MMP21: variants seen among roughly 807,000 people sequenced by gnomAD.
MMP21 encodes matrix metallopeptidase 21, also known as matrix metalloproteinase-21.
Under a neutral mutation model 47.8 loss-of-function variants are expected in MMP21, and 40 were observed. That is an observed-to-expected ratio of 0.84 (90% CI 0.65 to 1.09). The LOEUF is 1.09. Among genes scored for constraint, MMP21 ranks in the 50% least tolerant of loss-of-function variants. The probability of loss-of-function intolerance (pLI) is 0.00; values close to 1 mark genes in which losing one functional copy is unlikely to be tolerated. For synonymous variants in MMP21, 341 were observed against 318.0 expected (o/e 1.07, Z -0.77); for missense variants, 747 against 775.3 (o/e 0.96, Z 0.43).
intron 1 of MMP21, among the ~76,000 whole-genome samples, chr10:125,775,018 C>G (rs1337422178): frequency 1.3e-5 from 2 of 152,196 alleles, no homozygotes; most frequent in Admixed American, 6.5e-5. Flanking sequence ...GCTCCCTGCC[C>G]TGGCCTCTGG....
At chr10:125,769,305 AGCAAAACACTGACCT>A (rs1345186640) in intron 5 of MMP21, among the ~76,000 whole-genome samples, 1 of 152,164 alleles carries the variant, frequency 6.6e-6, no homozygotes, top group Non-Finnish European at 1.5e-5. Flanking sequence ...TCTGTCTTCC[AGCAAAACACTGACCT>A]TCCATGTTGA....
At position 125,773,768 on chromosome 10, in the gene MMP21, G is replaced by T. The variant is rs1189780605; in HGVS notation, c.697+63C>A. 6.9e-6 allele frequency: 10 copies of T among 1,440,618 alleles called. No homozygotes were observed. Among genetic ancestry groups the T allele is most frequent in the Admixed American group, 2.6e-5 (1 of 39,048 alleles). The allele number at this position is 1,440,618 out of a possible 1,614,324, so 89.2% of individuals were successfully genotyped here. The stretch of plus-strand genomic sequence containing the variant: ...CATTCTGCAGGTGGCCGAGGTGGGG[G>T]TAGGTGCGCCGGGGTCCCCGAGGGG... On this transcript the variant is annotated intron_variant, in intron 2 of 6. Transcript: ENST00000368808. This position sits in a 1 kb window ranked among gnomAD's most constrained non-coding sequence, Gnocchi z 4.8.
At position 125,767,409 on chromosome 10, in the gene MMP21, G is replaced by A. The variant is rs113390389; in HGVS notation, c.1410+123C>T. The A allele has an allele frequency of 3.1e-3, 2,975 of 950,098 alleles. 10 individuals carry two copies. Among genetic ancestry groups the A allele is most frequent in the Non-Finnish European group, 4.0e-3 (2,613 of 647,556 alleles). 58.9% of individuals were successfully genotyped at this position (950,098 alleles called of 1,614,324 possible). A position where few individuals can be genotyped will look rare whatever the true frequency, so the allele number is the denominator to read the frequency against. On this transcript the variant is annotated intron_variant, in intron 6 of 6. Transcript: ENST00000368808. ...CGCCCACCTTGGCCTCCCAAAGTGCGGGATTACAGGCATGCGCCACTGTGG... is the reference window on the plus strand; with the variant it reads ...CGCCCACCTTGGCCTCCCAAAGTGCAGGATTACAGGCATGCGCCACTGTGG...
chr10:125,769,902 C>CTT, intron 5 of MMP21, among the ~76,000 whole-genome samples: 1 of 152,236 alleles, frequency 6.6e-6, no homozygotes, highest in Middle Eastern at 3.4e-3. Context: ...AATCCCAACA[C>CTT]TTTGAGAGGC....
chr10:125,770,405 A>G lies in MMP21; in HGVS notation c.1166T>C (p.Ile389Thr). 6.2e-7 allele frequency: 1 copy of G among 1,614,180 alleles called. No homozygotes were observed. Reference protein sequence around the residue: ...PIQILTGWPGIPTHNIDAFVH... With the variant: ...PIQILTGWPGTPTHNIDAFVH... ...AAAGGCATCTATGTTGTGTGTTGGG[A>G]TTCCAGGCCAGCCAGTGAGGATTTG... The change falls in exon 5 of 7, where the codon ATC (isoleucine) becomes ACC (threonine). Residue 389 changes from isoleucine (I) to threonine (T), a missense_variant. Transcript: ENST00000368808.
rs765884774 is a variant in MMP21, at chr10:125,774,033, G to T, written c.495C>A (p.Gly165=). ...RGWQPRGYPD[G]GAAQAFSKRT... ...TCTTGGAGAAGGCCTGGGCAGCTCC[G>T]CCGTCGGGGTAGCCCCGGGGCTGCC... Residue 165 remains glycine (G), a synonymous_variant, in exon 2 of 7, where the codon GGC becomes GGA. Coordinates refer to ENST00000368808, the MANE Select transcript of MMP21 (RefSeq NM_147191.1). The T allele has an allele frequency of 2.7e-6, 4 of 1,497,304 alleles. No individual in the cohort carries two copies. In the South Asian group the frequency reaches 5.0e-5, roughly 19 times the overall value. 92.8% of individuals were successfully genotyped at this position (1,497,304 alleles called of 1,614,324 possible).
In MMP21 at chr10:125,770,367, TC is replaced by T. The variant is rs1224705761; in HGVS notation, c.1203del (p.Trp401Ter). ...AAATAACGTTCATCTCTTTTCCATG[TC>T]CAGATGTGAACAAAGGCATCTATGT... ...THNIDAFVHI[W>X]TWKRDERYFF... On this transcript the variant is annotated frameshift_variant, in exon 5 of 7. Transcript: ENST00000368808. LOFTEE classifies it high-confidence loss of function. 1 of 1,614,188 alleles carries T rather than the reference TC, an allele frequency of 6.2e-7. No individual in the cohort carries two copies. The highest frequency in any genetic ancestry group is 1.1e-5 in the South Asian group (1 of 91,086).
chr10:125,774,798 C>T (rs1257856536), intron 1 of MMP21, among the ~76,000 whole-genome samples: 3 of 152,102 alleles, frequency 2.0e-5, no homozygotes, highest in Non-Finnish European at 2.9e-5. Context: ...GCAGGTCGTG[C>T]GGGGCAGGTG....
rs1264314936 is a variant in MMP21, at chr10:125,774,286, T to C, written c.242A>G (p.Lys81Arg). The change falls in exon 2 of 7, where the codon AAG (lysine) becomes AGG (arginine). Residue 81 changes from lysine (K) to arginine (R), a missense_variant. Lys to Arg is a conservative substitution (Grantham distance 26). Transcript: ENST00000368808. ...PSPEGPPETP[K>R]GAALAEAVRR... ...CACCGCCTCGGCCAGGGCGGCGCCC[T>C]TGGGGGTCTCCGGCGGCCCCTCGGG... The C allele has an allele frequency of 5.6e-6, 8 of 1,420,530 alleles. No homozygotes were observed. In the East Asian group the frequency reaches 1.8e-4, roughly 32 times the overall value. The allele number at this position is 1,420,530 out of a possible 1,614,324, so 88.0% of individuals were successfully genotyped here.
chr10:125,766,870 T>C lies in MMP21; in HGVS notation c.1502A>G (p.His501Arg). The part of the protein sequence containing the change: ...EVFPAVIPQN[H>R]PFRNIDSAYY... ...AGCGGAATCTATATTTCTGAAAGGA[T>C]GATTTTGTGGTATTACTGCTGGAAA... The change falls in exon 7 of 7, where the codon CAT (histidine) becomes CGT (arginine). Residue 501 changes from histidine to arginine, a missense_variant. His to Arg is a conservative substitution (Grantham distance 29). Coordinates refer to ENST00000368808, the MANE Select transcript of MMP21 (RefSeq NM_147191.1). 1 of 1,613,672 alleles carries C rather than the reference T, an allele frequency of 6.2e-7. No individual in the cohort carries two copies. Among genetic ancestry groups the C allele is most frequent in the Non-Finnish European group, 8.5e-7 (1 of 1,179,836 alleles).
At position 125,773,760 on chromosome 10, in the gene MMP21, A is replaced by C; in HGVS notation, c.697+71T>G. The C allele has an allele frequency of 1.4e-6, 2 of 1,431,472 alleles. No homozygotes were observed. Among genetic ancestry groups the C allele is most frequent in the Non-Finnish European group, 1.8e-6 (2 of 1,097,700 alleles). 88.7% of individuals were successfully genotyped at this position (1,431,472 alleles called of 1,614,324 possible). A position where few individuals can be genotyped will look rare whatever the true frequency, so the allele number is the denominator to read the frequency against. ...TAGCCCCCCATTCTGCAGGTGGCCG[A>C]GGTGGGGGTAGGTGCGCCGGGGTCC... On this transcript the variant is annotated intron_variant, in intron 2 of 6. Transcript: ENST00000368808. This position sits in a 1 kb window ranked among gnomAD's most constrained non-coding sequence, Gnocchi z 4.8.
chr10:125,775,557 T>C, intron 1 of MMP21, 103 bp downstream of exon 1: 1 of 1,417,140 alleles, frequency 7.1e-7, no homozygotes, highest in African/African-American at 1.5e-5. Context: ...TCTCTGCCTC[T>C]GCACAGCCGG....
chr10:125,775,613 A>G (rs761830304), intron 1 of MMP21, 47 bp downstream of exon 1: 6 of 1,535,072 alleles, frequency 3.9e-6, no homozygotes, highest in Non-Finnish European at 4.4e-6. Context: ...GCCTGTGTGC[A>G]CGTGCACGGG....
In MMP21 at chr10:125,772,189, C is replaced by T. The variant is rs781539228; in HGVS notation, c.979+29G>A. ...TCTGGAATACAGTGTCCTCCGCTAGCTCAGGGATGCCCTCCGCAGCAGTCT... is the reference window on the plus strand; with the variant it reads ...TCTGGAATACAGTGTCCTCCGCTAGTTCAGGGATGCCCTCCGCAGCAGTCT... On this transcript the variant is annotated intron_variant, in intron 4 of 6. Coordinates refer to ENST00000368808, the MANE Select transcript of MMP21 (RefSeq NM_147191.1). This position sits in a 1 kb window ranked among gnomAD's most constrained non-coding sequence, Gnocchi z 5.6. 3 of 1,613,458 alleles carry T rather than the reference C, an allele frequency of 1.9e-6. No homozygotes were observed. The highest frequency in any genetic ancestry group is 8.5e-7 in the Non-Finnish European group (1 of 1,179,562).
In MMP21 at chr10:125,773,351, G is replaced by A. The variant is rs920114847; in HGVS notation, c.697+480C>T. Among the ~76,000 whole-genome samples the A allele has an allele frequency of 1.3e-4, 20 of 152,064 alleles. No homozygotes were observed. The highest frequency in any genetic ancestry group is 4.8e-4 in the African/African-American group (20 of 41,400). On this transcript the variant is annotated intron_variant, in intron 2 of 6. Transcript: ENST00000368808. The surrounding 1 kb of genome is among the most constrained non-coding windows in gnomAD (Gnocchi z 4.8). ...TCTAGGCCAAGACCGGATTCCTGGG[G>A]ACGCCAGCACCCAATTTCAGGTGGC...
intron 1 of MMP21, among the ~76,000 whole-genome samples, chr10:125,774,928 G>T (rs187119147): frequency 6.6e-6 from 1 of 152,314 alleles, no homozygotes; most frequent in African/African-American, 2.4e-5. Flanking sequence ...GGACCTGGGG[G>T]GCTTCCTCAT....
rs535954377 is a variant in MMP21, at chr10:125,773,952, G to C, written c.576C>G (p.Ala192=). The part of the protein sequence containing the change: ...GEALSSQLSV[A]DQRRIVALAF... ...CCAGCGCCACAATGCGCCGCTGGTC[G>C]GCCACGGACAGTTGGCTGCTCAGGG... Residue 192 remains alanine (A), a synonymous_variant, in exon 2 of 7, where the codon GCC becomes GCG. Transcript: ENST00000368808. The surrounding 1 kb of genome is among the most constrained non-coding windows in gnomAD (Gnocchi z 4.8). 2 of 1,584,636 alleles carry C rather than the reference G, an allele frequency of 1.3e-6. No homozygotes were observed. The highest frequency in any genetic ancestry group is 1.7e-6 in the Non-Finnish European group (2 of 1,173,082).
In MMP21 at chr10:125,773,113, T is replaced by G. The variant is rs1850472766; in HGVS notation, c.698-363A>C. ...TATTGAAAGCTGGGTCCCTTAAAAT[T>G]TGTCTTTTTCAGCCAACCGTGTCCC... On this transcript the variant is annotated intron_variant, in intron 2 of 6. Coordinates refer to ENST00000368808, the MANE Select transcript of MMP21 (RefSeq NM_147191.1). This position sits in a 1 kb window ranked among gnomAD's most constrained non-coding sequence, Gnocchi z 4.8. 6.6e-6 allele frequency among the ~76,000 whole-genome samples: 1 copy of G among 152,150 alleles called. No individual in the cohort carries two copies. The highest frequency in any genetic ancestry group is 1.5e-5 in the Non-Finnish European group (1 of 68,038).
intron 4 of MMP21, among the ~76,000 whole-genome samples, chr10:125,770,943 T>G (rs1392760876): frequency 6.6e-6 from 1 of 151,960 alleles, no homozygotes; most frequent in Non-Finnish European, 1.5e-5. Context: ...GGTGGGAGGA[T>G]TGCTTGAGCC....
Sources: allele counts gnomAD v4.1 joint callset (sites outside exome capture counted in the v4.1 genomes callset), GRCh38; gene constraint gnomAD v4.1.1; non-coding constraint Gnocchi (gnomAD v3.1); transcripts MANE v1.5; gene names NCBI Gene and HGNC (gene_info 2026-07-23, HGNC 2026-07-21).